ZNF30: variants seen among roughly 807,000 people sequenced by gnomAD.
ZNF30 encodes the protein zinc finger protein 30.
A neutral mutation model predicts 13.2 loss-of-function variants in ZNF30; 15 were observed. That is an observed-to-expected ratio of 1.13 (90% CI 0.76 to 1.75). ZNF30 has a LOEUF of 1.75. Among genes scored for constraint, ZNF30 ranks in the 40% most tolerant of loss-of-function variants. ZNF30 has a pLI of 0.00. For missense variants in ZNF30, 726 were observed against 757.0 expected (o/e 0.96, Z 0.48); for synonymous variants, 223 against 256.6 (o/e 0.87, Z 1.25).
chr19:34,931,753 T>G, intron 2 of ZNF30, 90 bp from the exon 3 acceptor site: 4 of 1,330,464 alleles, frequency 3.0e-6, no homozygotes, highest in Non-Finnish European at 4.1e-6. Flanking sequence ...TTCCAGCCTA[T>G]GTGATTGTTA....
rs569163365 is a variant in ZNF30 at position 34,944,549 on chromosome 19, T to C, written c.1583T>C (p.Val528Ala). 3.7e-5 allele frequency: 59 copies of C among 1,614,160 alleles called. 1 individual carries two copies. In the South Asian group the frequency reaches 5.8e-4, roughly 16 times the overall value. Residue 528 changes from valine (V) to alanine (A), a missense_variant, in exon 5 of 5, where the codon GTT becomes GCT. Val to Ala is a moderately conservative substitution (Grantham distance 64). Transcript: ENST00000601142. ...GCCTTCAGTTCTGGCTCATACCTTG[T>C]TCAGCATCAAAGAATTCATACTGGG... Reference protein sequence around the residue: ...GKAFSSGSYLVQHQRIHTGEK... With the variant: ...GKAFSSGSYLAQHQRIHTGEK...
chr19:34,942,708 A>AG (rs1300434634), intron 4 of ZNF30: 2 of 1,125,552 alleles, frequency 1.8e-6, no homozygotes, highest in Admixed American at 2.3e-5. Flanking sequence ...AGGTGCTAAA[A>AG]GGGGGAAATT....
At chr19:34,933,789 A>G in intron 4 of ZNF30, 66 bp downstream of exon 4, 1 of 1,104,124 alleles carries the variant, frequency 9.1e-7, no homozygotes. Flanking sequence ...TCAGGGAGGA[A>G]GTGCATCTCT....
At position 34,944,631 on chromosome 19, in the gene ZNF30, T is replaced by TC. The variant is rs1310052204; in HGVS notation, c.1665_1666insC (p.Ile556HisfsTer10). The TC allele has an allele frequency of 6.2e-7, 1 of 1,614,000 alleles. No individual in the cohort carries two copies. The highest frequency in any genetic ancestry group is 1.3e-5 in the African/African-American group (1 of 74,888). On this transcript the variant is annotated frameshift_variant, in exon 5 of 5. Transcript: ENST00000601142. LOFTEE classifies it high-confidence loss of function. Reference sequence around the variant, plus strand: ...AAGCCTTTACTGTTTATGGACAACTTATTGGACATCAGAGTGTTCACACTG... The same window carrying TC: ...AAGCCTTTACTGTTTATGGACAACTTCATTGGACATCAGAGTGTTCACACTG...
chr19:34,941,199 G>A lies in ZNF30; in HGVS notation c.257-2024G>A, dbSNP rs571924019. Among the ~76,000 whole-genome samples, 20 of 152,292 alleles carry A rather than the reference G, an allele frequency of 1.3e-4. No homozygotes were observed. The South Asian group carries it at 3.5e-3, about 27-fold the overall frequency. On this transcript the variant is annotated intron_variant, in intron 4 of 4. Transcript: ENST00000601142. ...CATTTTGAGGGTCCTCTTGTGTAGC[G>A]TGACATTAAAAGGCTTGGAGGTAGA... is the stretch of plus-strand genomic sequence containing the variant.
At chr19:34,938,571 G>A (rs886079254) in intron 4 of ZNF30, among the ~76,000 whole-genome samples, 42 of 151,880 alleles carry the variant, frequency 2.8e-4, no homozygotes, top group African/African-American at 8.7e-4. Context: ...ATTTTTTGCC[G>A]TACCATTTAA....
At chr19:34,936,123 A>G (rs958767101) in intron 4 of ZNF30, among the ~76,000 whole-genome samples, 2 of 152,200 alleles carry the variant, frequency 1.3e-5, no homozygotes, top group African/African-American at 2.4e-5. Flanking sequence ...GGGAGCTACA[A>G]TTCAAGATGA....
intron 4 of ZNF30, among the ~76,000 whole-genome samples, chr19:34,935,500 C>T (rs976965252): frequency 2.6e-5 from 4 of 152,110 alleles, no homozygotes; most frequent in Admixed American, 2.0e-4. Context: ...CTTCTCAAGT[C>T]AGCCTGCTAT....
intron 4 of ZNF30, among the ~76,000 whole-genome samples, chr19:34,938,502 A>AC (rs2012857684): frequency 6.6e-6 from 1 of 152,114 alleles, no homozygotes; most frequent in Non-Finnish European, 1.5e-5. Context: ...AATAATCTTC[A>AC]CCTAGATTCA....
intron 4 of ZNF30, among the ~76,000 whole-genome samples, chr19:34,940,162 A>AGTATTCT (rs2012961007): frequency 1.3e-5 from 2 of 152,156 alleles, no homozygotes; most frequent in Admixed American, 1.3e-4. Flanking sequence ...AGGTTAAGAC[A>AGTATTCT]GGTTCGGGGA....
rs761635052 is a variant in ZNF30, at chr19:34,944,819, A to ATAT, written c.1854_1856dup (p.His618_Met619insIle). 4.4e-6 allele frequency: 7 copies of ATAT among 1,603,126 alleles called. No individual in the cohort carries two copies. The East Asian group carries it at 1.3e-4, about 31-fold the overall frequency. On this transcript the variant is annotated inframe_insertion, in exon 5 of 5. Transcript: ENST00000601142. ...GCCCTTAAAGTGCATCTGAGAAAAC[A>ATAT]TATGAGTGTTATACCCTAAGAGTCT... is the stretch of plus-strand genomic sequence containing the variant.
In ZNF30 at chr19:34,928,173, A is replaced by G. The variant is rs2012179720; in HGVS notation, c.-65+957A>G. On this transcript the variant is annotated intron_variant, in intron 1 of 4. Coordinates refer to ENST00000601142, the MANE Select transcript of ZNF30 (RefSeq NM_194325.3). ...CAGTGAGTGGAGATGGCACCACCGC[A>G]ATCCAGCCTGGGCGACAGAGCGAGA... 2.0e-5 allele frequency among the ~76,000 whole-genome samples: 3 copies of G among 147,212 alleles called. No individual in the cohort carries two copies. In the Admixed American group the frequency reaches 2.1e-4, roughly 10 times the overall value.
At chr19:34,938,445 A>G (rs1568541272) in intron 4 of ZNF30, among the ~76,000 whole-genome samples, 3 of 151,818 alleles carry the variant, frequency 2.0e-5, no homozygotes, top group Admixed American at 6.6e-5. Context: ...AAAAGTCTGG[A>G]TTTGGGAACT....
At position 34,943,279 on chromosome 19, in the gene ZNF30, T is replaced by G. The variant is rs2013137455; in HGVS notation, c.313T>G (p.Cys105Gly). 1 of 1,613,250 alleles carries G rather than the reference T, an allele frequency of 6.2e-7. No individual in the cohort carries two copies. The highest frequency in any genetic ancestry group is 8.5e-7 in the Non-Finnish European group (1 of 1,179,656). The change falls in exon 5 of 5, where the codon TGT becomes GGT. Residue 105 changes from cysteine (C) to glycine (G), a missense_variant. Cys to Gly is a radical substitution (Grantham distance 159). Coordinates refer to ENST00000601142, the MANE Select transcript of ZNF30 (RefSeq NM_194325.3). ...TAAAGAAATGCCCACCTCTGAAAACTGTCCATCTTTTGCTCTACATCAGAA... is the reference window on the plus strand; with the variant it reads ...TAAAGAAATGCCCACCTCTGAAAACGGTCCATCTTTTGCTCTACATCAGAA... Reference protein sequence around the residue: ...GCKEMPTSENCPSFALHQKIS... With the variant: ...GCKEMPTSENGPSFALHQKIS...
Position 34,943,592 on chromosome 19 carries a change from G to A in ZNF30, c.626G>A (p.Cys209Tyr), listed in dbSNP as rs779745252. Residue 209 changes from cysteine (C) to tyrosine (Y), a missense_variant, in exon 5 of 5, where the codon TGT becomes TAT. Physicochemically the swap from Cys to Tyr is radical, Grantham distance 194. Coordinates refer to ENST00000601142, the MANE Select transcript of ZNF30 (RefSeq NM_194325.3). ...TGEKPLKCKQ[C>Y]GKTISGSYQL... ...GAGAAGCCACTCAAATGTAAGCAATGTGGAAAGACTATTAGTGGTAGCTAT... is the reference window on the plus strand; with the variant it reads ...GAGAAGCCACTCAAATGTAAGCAATATGGAAAGACTATTAGTGGTAGCTAT... 1.2e-6 allele frequency: 2 copies of A among 1,613,764 alleles called. No homozygotes were observed. The highest frequency in any genetic ancestry group is 1.7e-5 in the Admixed American group (1 of 59,980).
At chr19:34,935,700 GTTTTTTTT>G (rs142285130) in intron 4 of ZNF30, among the ~76,000 whole-genome samples, 1 of 84,222 alleles carries the variant, frequency 1.2e-5, no homozygotes, top group African/African-American at 5.2e-5. Flanking sequence ...GTTGTCTATA[GTTTTTTTT>G]TTTTTTTTTT....
intron 2 of ZNF30, among the ~76,000 whole-genome samples, chr19:34,930,471 A>G (rs997875591): frequency 3.3e-5 from 5 of 152,100 alleles, no homozygotes; most frequent in Non-Finnish European, 7.3e-5. Flanking sequence ...TGAGAGTGAT[A>G]CTAAGGTCAA....
At chr19:34,941,909 G>A (rs1055352850) in intron 4 of ZNF30, among the ~76,000 whole-genome samples, 3 of 152,072 alleles carry the variant, frequency 2.0e-5, no homozygotes, top group Non-Finnish European at 2.9e-5. Context: ...ATGTCTGGCC[G>A]TGCTCCTCAT....
chr19:34,937,576 G>T (rs2012808332), intron 4 of ZNF30, among the ~76,000 whole-genome samples: 1 of 151,818 alleles, frequency 6.6e-6, no homozygotes, highest in Non-Finnish European at 1.5e-5. Flanking sequence ...TCTACAAAAA[G>T]TTTAAAAATT....
Sources: allele counts gnomAD v4.1 joint callset (sites outside exome capture counted in the v4.1 genomes callset), GRCh38; gene constraint gnomAD v4.1.1; transcripts MANE v1.5; gene names NCBI Gene and HGNC (gene_info 2026-07-23, HGNC 2026-07-21).